Variants in MYO9A observed in about 807,000 individuals in gnomAD.
MYO9A encodes unconventional myosin-IXa.
A neutral mutation model predicts 293.3 loss-of-function variants in MYO9A; 103 were observed. That is an observed-to-expected ratio of 0.35 (90% confidence interval 0.30 to 0.41). The LOEUF is 0.41. MYO9A is among the 10% of genes least tolerant of loss of function. The pLI is 1.00. For missense variants in MYO9A, 2,685 were observed against 3,033.0 expected (o/e 0.89, Z 2.69); for synonymous variants, 1,001 against 1,035.7 (o/e 0.97, Z 0.64).
At chr15:71,922,772 C>T (rs1211944137) in intron 18 of MYO9A, among the ~76,000 whole-genome samples, 2 of 152,090 alleles carry the variant, frequency 1.3e-5, no homozygotes, top group African/African-American at 2.4e-5. Context: ...TCCTGGGGAG[C>T]AAATATGTAC....
chr15:71,842,655 C>G (rs1450662383), intron 39 of MYO9A, among the ~76,000 whole-genome samples: 2 of 151,870 alleles, frequency 1.3e-5, no homozygotes, highest in Non-Finnish European at 2.9e-5. Context: ...GTCAGGAGAT[C>G]GAGACTATCC....
At chr15:71,852,855 T>C (rs554172479) in intron 35 of MYO9A, among the ~76,000 whole-genome samples, 6 of 152,270 alleles carry the variant, frequency 3.9e-5, no homozygotes, top group African/African-American at 1.4e-4. Flanking sequence ...CCCAGCACTT[T>C]GGGAGACTGA....
chr15:71,948,955 G>T (rs1220776397), intron 15 of MYO9A, among the ~76,000 whole-genome samples: 6 of 146,030 alleles, frequency 4.1e-5, no homozygotes, highest in Admixed American at 2.7e-4. Context: ...TTTTTGTGAG[G>T]GGGGGGGATG....
intron 8 of MYO9A, among the ~76,000 whole-genome samples, chr15:72,006,163 C>T (rs913857039): frequency 2.0e-5 from 3 of 152,052 alleles, no homozygotes; most frequent in East Asian, 1.9e-4. Context: ...CTGCAACCTC[C>T]GCCTCTGGGG....
chr15:71,902,344 T>A (rs1336769695), intron 22 of MYO9A, among the ~76,000 whole-genome samples: 1 of 151,876 alleles, frequency 6.6e-6, no homozygotes, highest in Admixed American at 6.6e-5. Context: ...CTAAGTATAT[T>A]AAGATAATAA....
chr15:71,964,615 A>AC (rs1434408826), intron 13 of MYO9A, among the ~76,000 whole-genome samples: 1 of 30,252 alleles, frequency 3.3e-5, no homozygotes, highest in Admixed American at 4.4e-4. Context: ...CCCCATCTCT[A>AC]CTAAAAAAAA....
chr15:71,880,645 C>T lies in MYO9A; in HGVS notation c.5399-87G>A, dbSNP rs972029. 278,768 of 1,194,548 alleles carry T rather than the reference C, an allele frequency of 0.23. 33,556 individuals are homozygous for T. The highest frequency in any genetic ancestry group is 0.38 in the East Asian group (16,089 of 42,068). The allele number at this position is 1,194,548 out of a possible 1,614,324, so 74.0% of individuals were successfully genotyped here. ...ATCCTTCTTTTTAAAGTTCCTTTAACAAGTCACTGAAGGAAACATGCAAAT... is the reference window on the plus strand; with the variant it reads ...ATCCTTCTTTTTAAAGTTCCTTTAATAAGTCACTGAAGGAAACATGCAAAT... On this transcript the variant is annotated intron_variant, in intron 28 of 41. Transcript: ENST00000356056.
intron 8 of MYO9A, among the ~76,000 whole-genome samples, chr15:72,005,967 C>G (rs554235655): frequency 2.6e-4 from 39 of 152,170 alleles, no homozygotes; most frequent in African/African-American, 8.4e-4. Context: ...CTGGAAACAA[C>G]CAAAATGTCC....
Position 71,827,050 on chromosome 15 carries a change from C to CA in MYO9A, c.7184-8dup, listed in dbSNP as rs748769280. 1.3e-4 allele frequency: 197 copies of CA among 1,541,912 alleles called. No homozygotes were observed. Among genetic ancestry groups the CA allele is most frequent in the Admixed American group, 4.3e-4 (20 of 46,332 alleles). On this transcript the variant is annotated splice_polypyrimidine_tract_variant and splice_region_variant and intron_variant, in intron 41 of 41. Transcript: ENST00000356056. ...CTAAGGGCTAAGCTTCTTTCTAATG[C>CA]AAAAAAGAGACCAAAGATGTAAATG...
intron 39 of MYO9A, among the ~76,000 whole-genome samples, chr15:71,834,927 T>C (rs184607546): frequency 5.4e-4 from 82 of 152,288 alleles, no homozygotes; most frequent in Admixed American, 2.2e-3. Context: ...GGATTTATTG[T>C]AGTAGTATGA....
intron 11 of MYO9A, among the ~76,000 whole-genome samples, chr15:71,983,466 A>ATTTTTTTTTT (rs1217052840): frequency 8.3e-5 from 7 of 84,556 alleles, no homozygotes; most frequent in East Asian, 3.6e-4. Context: ...TATTTTTTTT[A>ATTTTTTTTTT]TTTCTTTTTT....
At chr15:71,876,210 A>G (rs1020499141) in intron 31 of MYO9A, among the ~76,000 whole-genome samples, 1 of 149,146 alleles carries the variant, frequency 6.7e-6, no homozygotes, top group Non-Finnish European at 1.5e-5. Flanking sequence ...CAATTGGTGC[A>G]GTCTAGGCTC....
intron 40 of MYO9A, 53 bp from the exon 41 acceptor site, chr15:71,828,079 A>C: frequency 6.4e-7 from 1 of 1,565,046 alleles, no homozygotes; most frequent in South Asian, 1.2e-5. Context: ...TGGAAGGAAG[A>C]TAACAGAAAA....
At chr15:71,922,199 G>A (rs969583201) in intron 18 of MYO9A, among the ~76,000 whole-genome samples, 3 of 152,092 alleles carry the variant, frequency 2.0e-5, no homozygotes, top group Non-Finnish European at 2.9e-5. Flanking sequence ...GGCTGGTCTC[G>A]AACTCCTGAG....
chr15:72,051,059 T>A (rs1382287151), intron 1 of MYO9A, among the ~76,000 whole-genome samples: 1 of 152,168 alleles, frequency 6.6e-6, no homozygotes, highest in East Asian at 1.9e-4. Context: ...TTTGTTTTGT[T>A]TTTGTATTTG....
At chr15:71,937,781 T>C (rs1228468984) in intron 16 of MYO9A, among the ~76,000 whole-genome samples, 2 of 152,142 alleles carry the variant, frequency 1.3e-5, no homozygotes, top group Non-Finnish European at 2.9e-5. Flanking sequence ...AAATGAGGCA[T>C]ATTGCGGTTT....
rs1347138979 is a variant in MYO9A at position 72,102,390 on chromosome 15, T to C, written c.-72+15290A>G. On this transcript the variant is annotated intron_variant, in intron 1 of 41. Transcript: ENST00000356056. ...CTCTGCCTAGGAAAACCAGAGACCT[T>C]TGTTCACTTGTTTATCTGCTGACCT... is the stretch of plus-strand genomic sequence containing the variant. Among the ~76,000 whole-genome samples, 3 of 149,640 alleles carry C rather than the reference T, an allele frequency of 2.0e-5. No homozygotes were observed. The East Asian group carries it at 5.9e-4, about 29-fold the overall frequency.
chr15:72,081,218 G>A (rs548701921), intron 1 of MYO9A, among the ~76,000 whole-genome samples: 5 of 152,134 alleles, frequency 3.3e-5, no homozygotes, highest in South Asian at 4.1e-4. Flanking sequence ...CTGCAACCCC[G>A]CTAGCATCTG....
At chr15:72,103,997 G>C (rs1395038085) in intron 1 of MYO9A, among the ~76,000 whole-genome samples, 2 of 152,174 alleles carry the variant, frequency 1.3e-5, no homozygotes, top group Non-Finnish European at 1.5e-5. Flanking sequence ...CTTGTATACA[G>C]ATGGTCCACA....
Sources: gnomAD v4.1 joint callset for allele counts (sites outside exome capture counted in the v4.1 genomes callset) on GRCh38, gnomAD v4.1.1 for gene constraint, MANE v1.5 for transcripts, NCBI Gene and HGNC (gene_info 2026-07-23, HGNC 2026-07-21) for gene names.